The following OR2T11 variants were observed in gnomAD, a reference collection of about 807,000 sequenced individuals.
OR2T11 encodes the protein olfactory receptor family 2 subfamily T member 11, also known as olfactory receptor 2T11.
A neutral mutation model predicts 13.5 loss-of-function variants in OR2T11; 14 were observed. The ratio of observed to expected loss-of-function variants is 1.04; its 90% CI spans 0.69 to 1.62. The LOEUF (loss-of-function observed/expected upper bound fraction) is 1.62. OR2T11 is among the 40% of genes most tolerant of loss of function. The pLI, the probability that OR2T11 is intolerant of heterozygous loss-of-function variation, is 0.00. For synonymous variants in OR2T11, 163 were observed against 154.6 expected, an observed-to-expected ratio of 1.05 and a Z score of -0.40; for missense variants, 410 against 389.7, an observed-to-expected ratio of 1.05 and a Z score of -0.44.
At chr1:248,630,428 C>CA (rs3033663) in intron 1 of OR2T11, among the ~76,000 whole-genome samples, 4 of 141,140 alleles carry the variant, frequency 2.8e-5, no homozygotes, top group Admixed American at 6.9e-5. Flanking sequence ...GCATAATTCA[C>CA]AAAAAAAGGA....
chr1:248,624,349 T>A lies in OR2T11; in HGVS notation c.*1829A>T, dbSNP rs893561344. 7.0e-6 allele frequency: 1 copy of A among 142,728 alleles called. No homozygotes were observed. The highest frequency in any genetic ancestry group is 1.5e-5 in the Non-Finnish European group (1 of 66,094). 8.8% of individuals were successfully genotyped at this position (142,728 alleles called of 1,614,324 possible). A position where few individuals can be genotyped will look rare whatever the true frequency, so the allele number is the denominator to read the frequency against. On this transcript the variant is annotated 3_prime_UTR_variant, in exon 2 of 2. Transcript: ENST00000641193. Reference sequence around the variant, plus strand: ...TACTCAACTTACCTTATCCACTTCCTCCCCCTTGATTTTACCCTGAATCAT... The same window carrying A: ...TACTCAACTTACCTTATCCACTTCCACCCCCTTGATTTTACCCTGAATCAT...
rs188425068 is a variant in OR2T11, at chr1:248,625,844, G to A, written c.*334C>T. The A allele has an allele frequency of 5.7e-6, 1 of 176,540 alleles. No homozygotes were observed. The highest frequency in any genetic ancestry group is 2.7e-5 in the African/African-American group (1 of 37,606). The allele number at this position is 176,540 out of a possible 1,614,324, so 10.9% of individuals were successfully genotyped here. On this transcript the variant is annotated 3_prime_UTR_variant, in exon 2 of 2. Coordinates refer to ENST00000641193, the MANE Select transcript of OR2T11 (RefSeq NM_001001964.2). ...ATAGCTTTTGCAGGTTTCTTTCATT[G>A]TGTTGTTTAAACATGAACAAATGTT... is the stretch of plus-strand genomic sequence containing the variant.
chr1:248,628,580 A>T (rs1161109899), intron 1 of OR2T11, among the ~76,000 whole-genome samples: 1 of 142,254 alleles, frequency 7.0e-6, no homozygotes, highest in East Asian at 2.0e-4. Context: ...AACACCAAAA[A>T]AAAGGGTTCA....
intron 1 of OR2T11, among the ~76,000 whole-genome samples, chr1:248,629,246 AGCCAGGCGTGGTGGTGCAC>A (rs1457088939): frequency 1.4e-5 from 2 of 141,986 alleles, no homozygotes; most frequent in African/African-American, 5.6e-5. Context: ...ATAAAAAACT[AGCCAGGCGTGGTGGTGCAC>A]GTCAGTCGTC....
At position 248,631,911 on chromosome 1, in the gene OR2T11, A is replaced by G. The variant is rs144771633; in HGVS notation, c.-145+3127T>C. 7.4e-4 allele frequency among the ~76,000 whole-genome samples: 107 copies of G among 144,210 alleles called. 13 individuals are homozygous for G. Among genetic ancestry groups the G allele is most frequent in the African/African-American group, 2.7e-3 (100 of 36,828 alleles). The allele number at this position is 144,210 out of a possible 152,430, so 94.6% of individuals were successfully genotyped here. On this transcript the variant is annotated intron_variant, in intron 1 of 1. Transcript: ENST00000641193. ...TTCCTGCACAGCATCACCGCTGTCAACATGAAGCCCTGTACGTACTATTCC... is the reference window on the plus strand; with the variant it reads ...TTCCTGCACAGCATCACCGCTGTCAGCATGAAGCCCTGTACGTACTATTCC...
At chr1:248,633,993 GTTTTTT>G (rs66647384) in intron 1 of OR2T11, among the ~76,000 whole-genome samples, 1 of 133,060 alleles carries the variant, frequency 7.5e-6, no homozygotes, top group Non-Finnish European at 1.6e-5. Flanking sequence ...GTTTTTTGGT[GTTTTTT>G]TTTTTGCTTC....
At chr1:248,630,506 A>G (rs555611009) in intron 1 of OR2T11, among the ~76,000 whole-genome samples, 2 of 144,020 alleles carry the variant, frequency 1.4e-5, no homozygotes, top group African/African-American at 5.4e-5. Flanking sequence ...TCAGGTACCA[A>G]TTAATAGGTT....
chr1:248,627,785 C>T lies in OR2T11; in HGVS notation c.-144-513G>A, dbSNP rs1296897272. 7.7e-5 allele frequency among the ~76,000 whole-genome samples: 11 copies of T among 142,700 alleles called. 4 individuals are homozygous for T. Among genetic ancestry groups the T allele is most frequent in the Non-Finnish European group, 1.4e-4 (9 of 66,148 alleles). The allele number at this position is 142,700 out of a possible 152,430, so 93.6% of individuals were successfully genotyped here. On this transcript the variant is annotated intron_variant, in intron 1 of 1. Coordinates refer to ENST00000641193, the MANE Select transcript of OR2T11 (RefSeq NM_001001964.2). The stretch of plus-strand genomic sequence containing the variant: ...GGTTGTGCTCACATTACTAATTTCT[C>T]ACCCCTCGCTCCGCTTTCACCCCCT...
chr1:248,631,248 A>T (rs565573330), intron 1 of OR2T11, among the ~76,000 whole-genome samples: 2 of 143,886 alleles, frequency 1.4e-5, no homozygotes, highest in African/African-American at 5.4e-5. Flanking sequence ...TAGCTTTTAA[A>T]CAAAACTGAG....
Position 248,630,715 on chromosome 1 carries a change from G to A in OR2T11, c.-144-3443C>T, listed in dbSNP as rs1372262598. On this transcript the variant is annotated intron_variant, in intron 1 of 1. Coordinates refer to ENST00000641193, the MANE Select transcript of OR2T11 (RefSeq NM_001001964.2). ...TTTGCTACTTAAATTGAACGACACT[G>A]TAATAGACTTAGTGTTAAATATAAC... 2.1e-5 allele frequency among the ~76,000 whole-genome samples: 3 copies of A among 144,036 alleles called. 1 individual carries two copies. Among genetic ancestry groups the A allele is most frequent in the African/African-American group, 5.5e-5 (2 of 36,670 alleles). The allele number at this position is 144,036 out of a possible 152,430, so 94.5% of individuals were successfully genotyped here. A position where few individuals can be genotyped will look rare whatever the true frequency, so the allele number is the denominator to read the frequency against.
At chr1:248,629,040 C>A (rs1660566276) in intron 1 of OR2T11, among the ~76,000 whole-genome samples, 1 of 143,516 alleles carries the variant, frequency 7.0e-6, no homozygotes, top group African/African-American at 2.7e-5. Flanking sequence ...AGAATTAACC[C>A]ACACTAAGGA....
intron 1 of OR2T11, among the ~76,000 whole-genome samples, chr1:248,630,515 T>C (rs1660594439): frequency 6.9e-6 from 1 of 143,900 alleles, no homozygotes; most frequent in Admixed American, 6.8e-5. Context: ...AATTAATAGG[T>C]TGAAGATAAC....
chr1:248,634,883 CTGA>C (rs1660665770), intron 1 of OR2T11, among the ~76,000 whole-genome samples, 152 bp downstream of exon 1: 1 of 144,354 alleles, frequency 6.9e-6, no homozygotes, highest in Non-Finnish European at 1.5e-5. Flanking sequence ...TCCTTTTTGC[CTGA>C]TATCTTCCTG....
At position 248,626,430 on chromosome 1, in the gene OR2T11, C is replaced by CT. The variant is rs1244960889; in HGVS notation, c.698dup (p.Ala234GlyfsTer13). ...AGTGGGAGGAACAAGTGGTGAAGGC[C>CT]TTTTTGCGACCTTCAGCAGAGGGCA... On this transcript the variant is annotated frameshift_variant, in exon 2 of 2. Transcript: ENST00000641193. LOFTEE classifies it high-confidence loss of function. 1 of 1,572,062 alleles carries CT rather than the reference C, an allele frequency of 6.4e-7. No homozygotes were observed. The highest frequency in any genetic ancestry group is 1.1e-5 in the South Asian group (1 of 88,894).
chr1:248,630,827 C>CA (rs1660599770), intron 1 of OR2T11, among the ~76,000 whole-genome samples: 1 of 143,258 alleles, frequency 7.0e-6, no homozygotes, highest in East Asian at 2.0e-4. Flanking sequence ...TCTTAAGTGG[C>CA]AAAAAAGACT....
Position 248,633,914 on chromosome 1 carries a change from C to T in OR2T11, c.-145+1124G>A, listed in dbSNP as rs1304499689. Among the ~76,000 whole-genome samples, 3 of 143,148 alleles carry T rather than the reference C, an allele frequency of 2.1e-5. 1 individual carries two copies. Among genetic ancestry groups the T allele is most frequent in the Non-Finnish European group, 4.5e-5 (3 of 66,174 alleles). 93.9% of individuals were successfully genotyped at this position (143,148 alleles called of 152,430 possible). A position where few individuals can be genotyped will look rare whatever the true frequency, so the allele number is the denominator to read the frequency against. On this transcript the variant is annotated intron_variant, in intron 1 of 1. Coordinates refer to ENST00000641193, the MANE Select transcript of OR2T11 (RefSeq NM_001001964.2). ...ATCTAGCAAAAGCCAATGACTTTTT[C>T]ACATAAGCTCCAATTTTAAAATAGT...
rs116765425 is a variant in OR2T11, at chr1:248,630,803, C to T, written c.-144-3531G>A. On this transcript the variant is annotated intron_variant, in intron 1 of 1. Coordinates refer to ENST00000641193, the MANE Select transcript of OR2T11 (RefSeq NM_001001964.2). ...GTCCTCATGTGCTAATGTCTGGAACCGATGAATATGCTCTCTTAAGTGGCA... is the reference window on the plus strand; with the variant it reads ...GTCCTCATGTGCTAATGTCTGGAACTGATGAATATGCTCTCTTAAGTGGCA... 6.9e-3 allele frequency among the ~76,000 whole-genome samples: 991 copies of T among 143,260 alleles called. 204 individuals are homozygous for T. Among genetic ancestry groups the T allele is most frequent in the African/African-American group, 0.026 (960 of 36,410 alleles). 94.0% of individuals were successfully genotyped at this position (143,260 alleles called of 152,430 possible).
rs545045967 is a variant in OR2T11 at position 248,630,105 on chromosome 1, T to C, written c.-144-2833A>G. 8.6e-4 allele frequency among the ~76,000 whole-genome samples: 34 copies of C among 39,752 alleles called. 3 individuals carry two copies. The East Asian group carries it at 0.018, about 21-fold the overall frequency. The allele number at this position is 39,752 out of a possible 152,430, so 26.1% of individuals were successfully genotyped here. Reference sequence around the variant, plus strand: ...TTTAAACACATTCAGCTAGCAAAAATGCAAATTATTTTATGCTTTTTAAGG... The same window carrying C: ...TTTAAACACATTCAGCTAGCAAAAACGCAAATTATTTTATGCTTTTTAAGG... On this transcript the variant is annotated intron_variant, in intron 1 of 1. Transcript: ENST00000641193.
chr1:248,633,964 G>A (rs1660650253), intron 1 of OR2T11, among the ~76,000 whole-genome samples: 1 of 125,854 alleles, frequency 7.9e-6, no homozygotes, highest in Non-Finnish European at 1.6e-5. Context: ...TATCAGTGAA[G>A]CTGGAAATAA....
Sources: gnomAD v4.1 joint callset for allele counts (sites outside exome capture counted in the v4.1 genomes callset) on GRCh38, gnomAD v4.1.1 for gene constraint, MANE v1.5 for transcripts, NCBI Gene and HGNC (gene_info 2026-07-23, HGNC 2026-07-21) for gene names.